The following CDKN2B-AS1 variants were observed in gnomAD, a reference collection of about 807,000 sequenced individuals.
The protein encoded by CDKN2B-AS1 is CDKN2B and CDKN2A antisense cis and trans regulatory RNA 1, also known as CDKN2B antisense RNA 1 (non-protein coding).
At chr9:22,043,208 A>G (rs1025646531) in intron 1 of CDKN2B-AS1, among the ~76,000 whole-genome samples, 1 of 152,036 alleles carries the variant, frequency 6.6e-6, no homozygotes, top group Admixed American at 6.6e-5. Flanking sequence ...GTGAAGGATA[A>G]TTGGCTAAAA....
In CDKN2B-AS1 at chr9:21,995,637, A is replaced by T. The variant is rs1820630802; in HGVS notation, n.29+476A>T. On this transcript the variant is annotated intron_variant and non_coding_transcript_variant, in intron 1 of 4. Transcript: ENST00000650946. The surrounding 1 kb of genome is among the most constrained non-coding windows in gnomAD (Gnocchi z 5.7). ...AGGAAAAGCGGTCCTGTTTGGGAAC[A>T]GTAAAAGCAGGGCAAGGAAAGGAAG... is the stretch of plus-strand genomic sequence containing the variant. 2 of 152,668 alleles carry T rather than the reference A, an allele frequency of 1.3e-5. No individual in the cohort carries two copies. Among genetic ancestry groups the T allele is most frequent in the Non-Finnish European group, 2.9e-5 (2 of 68,350 alleles). 9.5% of individuals were successfully genotyped at this position (152,668 alleles called of 1,614,324 possible). A position where few individuals can be genotyped will look rare whatever the true frequency, so the allele number is the denominator to read the frequency against.
At chr9:22,123,974 CA>C (rs1826141818) in intron 4 of CDKN2B-AS1, among the ~76,000 whole-genome samples, 1 of 152,256 alleles carries the variant, frequency 6.6e-6, no homozygotes, top group African/African-American at 2.4e-5. Flanking sequence ...AAGCAAATTG[CA>C]GGCAATAAAT....
intron 1 of CDKN2B-AS1, among the ~76,000 whole-genome samples, chr9:22,010,731 A>G (rs36229155): frequency 6.6e-6 from 1 of 151,598 alleles, no homozygotes; most frequent in East Asian, 1.9e-4. Context: ...TTCCCATCCA[A>G]CCCCCATTTC....
intron 1 of CDKN2B-AS1, among the ~76,000 whole-genome samples, chr9:22,021,881 C>T (rs1822032882): frequency 6.6e-6 from 1 of 152,080 alleles, no homozygotes; most frequent in South Asian, 2.1e-4. Flanking sequence ...TTTCAAAGAA[C>T]TTCTTGATTT....
rs570139619 is a variant in CDKN2B-AS1 at position 22,068,037 on chromosome 9, G to A, written n.438+11650G>A. 2.3e-4 allele frequency among the ~76,000 whole-genome samples: 35 copies of A among 152,216 alleles called. No individual in the cohort carries two copies. The South Asian group carries it at 7.3e-3, about 32-fold the overall frequency. The stretch of plus-strand genomic sequence containing the variant: ...AAACCATGACTTTTGGGTCTGTGTA[G>A]CCCCGAAGCTTCATAGTTCAATATC... On this transcript the variant is annotated intron_variant and non_coding_transcript_variant, in intron 4 of 4. Coordinates refer to ENST00000650946, the Ensembl canonical transcript of CDKN2B-AS1.
intron 3 of CDKN2B-AS1, among the ~76,000 whole-genome samples, chr9:22,055,051 C>T (rs1461077965): frequency 6.6e-6 from 1 of 152,170 alleles, no homozygotes; most frequent in African/African-American, 2.4e-5. Flanking sequence ...CCACGCCCAG[C>T]CTGCCTGATT....
At chr9:21,998,643 A>G (rs1468190642) in intron 1 of CDKN2B-AS1, among the ~76,000 whole-genome samples, 1 of 152,202 alleles carries the variant, frequency 6.6e-6, no homozygotes, top group African/African-American at 2.4e-5. Flanking sequence ...TTTTTTTAAC[A>G]GGGGTAAATA....
At chr9:22,070,119 T>C in intron 4 of CDKN2B-AS1, among the ~76,000 whole-genome samples, 1 of 152,188 alleles carries the variant, frequency 6.6e-6, no homozygotes, top group East Asian at 1.9e-4. Flanking sequence ...AAAATATGAC[T>C]ATAAAACCAT....
At chr9:22,002,455 G>A (rs1820963293) in intron 1 of CDKN2B-AS1, among the ~76,000 whole-genome samples, 2 of 148,648 alleles carry the variant, frequency 1.3e-5, no homozygotes, top group African/African-American at 2.5e-5. Flanking sequence ...ATAATTGAGG[G>A]GTAATTATAG....
chr9:22,068,597 A>G (rs1010668086), intron 4 of CDKN2B-AS1, among the ~76,000 whole-genome samples: 4 of 152,152 alleles, frequency 2.6e-5, no homozygotes, highest in African/African-American at 4.8e-5. Flanking sequence ...GGAGGCCTCT[A>G]TTGAACTCTT....
rs1469822895 is a variant in CDKN2B-AS1, at chr9:22,039,905, T to C, written n.30-6846T>C. On this transcript the variant is annotated intron_variant and non_coding_transcript_variant, in intron 1 of 4. Transcript: ENST00000650946. This position sits in a 1 kb window ranked among gnomAD's most constrained non-coding sequence, Gnocchi z 4.4. ...TAGTTAAGATGCGATCTTACTGACA[T>C]AGGAGAAGCTCCTAATCATGGTGTC... Among the ~76,000 whole-genome samples, 2 of 152,044 alleles carry C rather than the reference T, an allele frequency of 1.3e-5. No homozygotes were observed. Among genetic ancestry groups the C allele is most frequent in the Non-Finnish European group, 2.9e-5 (2 of 67,958 alleles).
chr9:22,053,597 C>T (rs111751402), intron 3 of CDKN2B-AS1, among the ~76,000 whole-genome samples: 19 of 152,268 alleles, frequency 1.2e-4, no homozygotes, highest in Admixed American at 5.2e-4. Flanking sequence ...AACTCGTAGC[C>T]AGAGCTACCT....
rs188306464 is a variant in CDKN2B-AS1 at position 22,052,391 on chromosome 9, G to T, written n.302+3163G>T. ...TCAGAGTAATGTAGTGCTTAAAAAA[G>T]GACAATGATAACACGTTTCTACAAA... is the stretch of plus-strand genomic sequence containing the variant. On this transcript the variant is annotated intron_variant and non_coding_transcript_variant, in intron 3 of 4. Coordinates refer to ENST00000650946, the Ensembl canonical transcript of CDKN2B-AS1. Among the ~76,000 whole-genome samples, 91 of 152,120 alleles carry T rather than the reference G, an allele frequency of 6.0e-4. 1 individual carries two copies. The highest frequency in any genetic ancestry group is 1.9e-3 in the African/African-American group (78 of 41,498).
chr9:22,081,877 T>G (rs916385160), intron 4 of CDKN2B-AS1, among the ~76,000 whole-genome samples: 1 of 152,240 alleles, frequency 6.6e-6, no homozygotes, highest in African/African-American at 2.4e-5. Context: ...TTTTTGGGGT[T>G]GTTGTGTTCT....
At chr9:22,095,331 G>T (rs1426303615) in intron 4 of CDKN2B-AS1, among the ~76,000 whole-genome samples, 1 of 144,596 alleles carries the variant, frequency 6.9e-6, no homozygotes, top group Admixed American at 6.7e-5. Context: ...CTTTATTTCT[G>T]CCTTCATTTT....
intron 4 of CDKN2B-AS1, chr9:22,120,348 T>C (rs1458565009): frequency 1.3e-5 from 2 of 152,228 alleles, no homozygotes; most frequent in Non-Finnish European, 2.9e-5. Flanking sequence ...ATTAAATGAT[T>C]TTTAAATGAG....
At chr9:22,048,426 T>C (rs957672674) in intron 2 of CDKN2B-AS1, among the ~76,000 whole-genome samples, 6 of 152,146 alleles carry the variant, frequency 3.9e-5, no homozygotes, top group Admixed American at 3.3e-4. Context: ...TGGAATAATT[T>C]CCATTGAATT....
At chr9:22,078,933 G>A (rs772196275) in intron 4 of CDKN2B-AS1, among the ~76,000 whole-genome samples, 26 of 152,050 alleles carry the variant, frequency 1.7e-4, no homozygotes, top group African/African-American at 5.6e-4. Flanking sequence ...ATTACTAAAC[G>A]GCACTCACTT....
chr9:22,065,978 G>C (rs769046000), intron 4 of CDKN2B-AS1, among the ~76,000 whole-genome samples: 16 of 152,116 alleles, frequency 1.1e-4, no homozygotes, highest in Non-Finnish European at 2.2e-4. Flanking sequence ...GCACTCCCTG[G>C]ACACGGAAGT....
Sources: gnomAD v4.1 joint callset for allele counts (sites outside exome capture counted in the v4.1 genomes callset) on GRCh38, gnomAD v4.1.1 for gene constraint, Gnocchi (gnomAD v3.1) non-coding constraint, MANE v1.5 for transcripts, NCBI Gene and HGNC (gene_info 2026-07-23, HGNC 2026-07-21) for gene names.